Variants in MARF1 observed in about 807,000 individuals in gnomAD.
The protein encoded by MARF1 is limkain-b1.
Under a neutral mutation model 168.2 loss-of-function variants are expected in MARF1, and 24 were observed. That is an observed-to-expected ratio of 0.14 (90% CI 0.10 to 0.20). The LOEUF is 0.20. MARF1 is among the 10% of genes least tolerant of loss of function. The pLI, the probability that MARF1 is intolerant of heterozygous loss-of-function variation, is 1.00. For missense variants in MARF1, 1,744 were observed against 2,143.6 expected (o/e 0.81, Z 3.68); for synonymous variants, 868 against 822.4 (o/e 1.06, Z -0.95).
chr16:15,609,520 C>T lies in MARF1; in HGVS notation c.3954+3G>A. On this transcript the variant is annotated splice_donor_region_variant and intron_variant, in intron 20 of 26. Transcript: ENST00000396368. ...TTTATAAAATTAGAATTTCTTCACT[C>T]ACTTGTAAAGTATCAGGTATGGCTT... 2 of 1,607,290 alleles carry T rather than the reference C, an allele frequency of 1.2e-6. No homozygotes were observed. Among genetic ancestry groups the T allele is most frequent in the Non-Finnish European group, 1.7e-6 (2 of 1,174,622 alleles).
chr16:15,609,782 A>G (rs2033357467), intron 19 of MARF1, 57 bp from the exon 20 acceptor site: 1 of 1,401,412 alleles, frequency 7.1e-7, no homozygotes, highest in Non-Finnish European at 1.0e-6. Flanking sequence ...ATTTGTGTTC[A>G]ACATCCACAC....
intron 1 of MARF1, among the ~76,000 whole-genome samples, chr16:15,640,824 T>C (rs1207656845): frequency 6.6e-6 from 1 of 152,248 alleles, no homozygotes; most frequent in East Asian, 1.9e-4. Flanking sequence ...ATTGCAGAGT[T>C]GCAAAGAGAG....
At chr16:15,616,105 A>T in intron 15 of MARF1, 100 bp from the exon 16 acceptor site, 3 of 1,017,102 alleles carry the variant, frequency 2.9e-6, no homozygotes, top group Non-Finnish European at 2.7e-6. Context: ...TGTATGTGTT[A>T]ATCATTTGTC....
intron 23 of MARF1, 191 bp from the exon 24 acceptor site, chr16:15,600,892 AT>A (rs1370618303): frequency 1.4e-6 from 1 of 713,534 alleles, no homozygotes; most frequent in African/African-American, 1.8e-5. Context: ...ACATACCCCT[AT>A]AAAAAGCAGA....
intron 12 of MARF1, among the ~76,000 whole-genome samples, chr16:15,621,241 G>GT (rs913377868): frequency 3.9e-5 from 6 of 152,188 alleles, no homozygotes; most frequent in African/African-American, 1.2e-4. Context: ...ACCCAAAGAA[G>GT]TATCACATTT....
chr16:15,635,253 C>T (rs558173593), intron 3 of MARF1: 1 of 400,842 alleles, frequency 2.5e-6, no homozygotes, highest in African/African-American at 2.0e-5. Flanking sequence ...ACCAATGTGA[C>T]TGAGGCCAAG....
At position 15,625,714 on chromosome 16, in the gene MARF1, A is replaced by G; in HGVS notation, c.1611T>C (p.Asp537=). 6.2e-7 allele frequency: 1 copy of G among 1,614,186 alleles called. No individual in the cohort carries two copies. The highest frequency in any genetic ancestry group is 1.1e-5 in the South Asian group (1 of 91,086). Residue 537 remains aspartate, a synonymous_variant, in exon 8 of 27, where the codon GAT becomes GAC. Coordinates refer to ENST00000396368, the MANE Select transcript of MARF1 (RefSeq NM_014647.4). ...TACTCAGCACTTTCCCACCACAATT[A>G]TCGGACAGGCGTCTGAGCCTGTTGC... ...SVSNRLRRLS[D]NCGGKVLSIT...
At chr16:15,623,847 C>CTTA (rs1205897143) in intron 10 of MARF1, among the ~76,000 whole-genome samples, 1 of 151,872 alleles carries the variant, frequency 6.6e-6, no homozygotes, top group Non-Finnish European at 1.5e-5. Flanking sequence ...GTTCTTTCTG[C>CTTA]ACATAAGGAA....
At chr16:15,621,520 C>T in intron 12 of MARF1, 1 of 540,864 alleles carries the variant, frequency 1.8e-6, no homozygotes, top group Non-Finnish European at 3.2e-6. Flanking sequence ...CTCCCAAGTG[C>T]CTGTCAAGTT....
In MARF1 at chr16:15,621,851, C is replaced by T; in HGVS notation, c.2521G>A (p.Glu841Lys). The change falls in exon 12 of 27, where the codon GAA becomes AAA. Residue 841 changes from glutamate (E) to lysine (K), a missense_variant. Physicochemically the swap from Glu to Lys is moderately conservative, Grantham distance 56 (BLOSUM62 1). Transcript: ENST00000396368. ...GCACCGATCGCATCTTGTAAGTTTT[C>T]CATTTGCACAACAGCCTTGAGTTGA... ...DYQLKAVVQM[E>K]NLQDAIGAVN... 6.2e-7 allele frequency: 1 copy of T among 1,614,156 alleles called. No individual in the cohort carries two copies. The highest frequency in any genetic ancestry group is 8.5e-7 in the Non-Finnish European group (1 of 1,180,038).
At chr16:15,602,473 CAAAG>C (rs1444745750) in intron 22 of MARF1, 6 of 579,432 alleles carry the variant, frequency 1.0e-5, no homozygotes, top group South Asian at 3.6e-5. Context: ...AAGATGAAGA[CAAAG>C]AACAAGAAGA....
At chr16:15,606,881 C>G (rs1053615491) in intron 21 of MARF1, among the ~76,000 whole-genome samples, 6 of 152,198 alleles carry the variant, frequency 3.9e-5, no homozygotes, top group African/African-American at 1.4e-4. Flanking sequence ...GCTGCTGCCA[C>G]AGCCCTCCAT....
At chr16:15,637,354 A>G (rs1197394288) in intron 2 of MARF1, among the ~76,000 whole-genome samples, 1 of 152,192 alleles carries the variant, frequency 6.6e-6, no homozygotes, top group African/African-American at 2.4e-5. Context: ...TTCACAGCAT[A>G]TGAGGGTCCA....
chr16:15,601,684 C>A, intron 23 of MARF1: 2 of 462,176 alleles, frequency 4.3e-6, no homozygotes, highest in Middle Eastern at 5.8e-4. Flanking sequence ...CCTCAGCGCG[C>A]CCACTGCCCT....
In MARF1 at chr16:15,631,448, T is replaced by C; in HGVS notation, c.1284A>G (p.Lys428=). The C allele has an allele frequency of 6.2e-7, 1 of 1,613,390 alleles. No homozygotes were observed. ...CAAATCTGCGGAGACTCTGCCGCAGTTTATCATCAGCGGCATTCTTTGCAG... is the reference window on the plus strand; with the variant it reads ...CAAATCTGCGGAGACTCTGCCGCAGCTTATCATCAGCGGCATTCTTTGCAG... ...NATAKNAADD[K]LRQSLRRFAN... is the part of the protein sequence containing the mutation. Residue 428 remains lysine, a synonymous_variant, in exon 6 of 27, where the codon AAA becomes AAG. Transcript: ENST00000396368.
rs1399051583 is a variant in MARF1, at chr16:15,625,526, T to C, written c.1799A>G (p.Asp600Gly). ...AAGTTTTTTGGGAGACTTCACTTTA[T>C]CAGCAATTGCATTTGAACTCTTTGT... ...CETKSSNAIA[D>G]KVKSPKKLKN... The change falls in exon 8 of 27, where the codon GAT becomes GGT. Residue 600 changes from aspartate to glycine, a missense_variant. By Grantham distance (94) the Asp-to-Gly change is moderately conservative (BLOSUM62 -1). Around this residue, in one of 7 missense-constraint regions of MARF1, gnomAD observed 270 missense variants for 260.6 expected, o/e 1.04. Coordinates refer to ENST00000396368, the MANE Select transcript of MARF1 (RefSeq NM_014647.4). 2.5e-6 allele frequency: 4 copies of C among 1,614,242 alleles called. No homozygotes were observed. Among genetic ancestry groups the C allele is most frequent in the Non-Finnish European group, 3.4e-6 (4 of 1,180,042 alleles).
chr16:15,642,642 G>C (rs1350199748), intron 1 of MARF1, among the ~76,000 whole-genome samples: 2 of 151,786 alleles, frequency 1.3e-5, no homozygotes, highest in East Asian at 2.0e-4. Flanking sequence ...AGGCCGAGGA[G>C]AATGCAAAAC....
At chr16:15,635,277 A>C in intron 3 of MARF1, 1 of 385,808 alleles carries the variant, frequency 2.6e-6, no homozygotes, top group Non-Finnish European at 4.6e-6. Context: ...CAGGTTTCCC[A>C]CATTATTGCA....
Position 15,622,995 on chromosome 16 carries a change from T to C in MARF1, c.2399A>G (p.Tyr800Cys). 6.2e-7 allele frequency: 1 copy of C among 1,604,162 alleles called. No individual in the cohort carries two copies. The highest frequency in any genetic ancestry group is 8.5e-7 in the Non-Finnish European group (1 of 1,171,834). Reference protein sequence around the residue: ...GADVQVSNIDYRLSRKELQQL... With the variant: ...GADVQVSNIDCRLSRKELQQL... The stretch of plus-strand genomic sequence containing the variant: ...CTGCAGCTCCTTCCGGGATAATCTG[T>C]AGTCTATGTTGCTGACTTGGACATC... The change falls in exon 11 of 27, where the codon TAC becomes TGC. Residue 800 changes from tyrosine to cysteine, a missense_variant. By Grantham distance (194) the Tyr-to-Cys change is radical. This residue lies in a region of MARF1 where 543 missense variants were observed against 742.1 expected (regional missense o/e 0.73). Transcript: ENST00000396368.
Sources: gnomAD v4.1 joint callset for allele counts (sites outside exome capture counted in the v4.1 genomes callset) on GRCh38, gnomAD v4.1.1 for gene constraint, gnomAD v4.1.1 regional missense constraint, MANE v1.5 for transcripts, NCBI Gene and HGNC (gene_info 2026-07-23, HGNC 2026-07-21) for gene names.